The following SAMD10 variants were observed in gnomAD, a reference collection of about 807,000 sequenced individuals.
SAMD10 encodes sterile alpha motif domain-containing protein 10.
SAMD10 carries 16 observed loss-of-function variants against 22.5 expected under a neutral mutation model. The ratio of observed to expected loss-of-function variants is 0.71; its 90% CI spans 0.48 to 1.08. The LOEUF (loss-of-function observed/expected upper bound fraction) is 1.08. Ranked by LOEUF, SAMD10 falls within the 50% of genes least tolerant of loss-of-function variation. SAMD10 has a pLI of 0.00. For synonymous variants in SAMD10, 118 were observed against 122.2 expected, an observed-to-expected ratio of 0.97 and a Z score of 0.23; for missense variants, 227 against 281.3, an observed-to-expected ratio of 0.81 and a Z score of 1.38.
At chr20:63,978,039 C>T (rs77778296) in intron 1 of SAMD10, among the ~76,000 whole-genome samples, 2,247 of 152,346 alleles carry the variant, frequency 0.015, 58 homozygotes, top group African/African-American at 0.052. Context: ...TCCAGCTGTG[C>T]CGCCCCCCAC....
Position 63,979,248 on chromosome 20 carries a change from C to G in SAMD10, c.91+129G>C, listed in dbSNP as rs928131133. On this transcript the variant is annotated intron_variant, in intron 1 of 4. Coordinates refer to ENST00000369886, the MANE Select transcript of SAMD10 (RefSeq NM_080621.5). The surrounding 1 kb of genome is among the most constrained non-coding windows in gnomAD (Gnocchi z 7.7). ...CAAAGGCTACGGGACCCCGTTGAGC[C>G]GAGACATCCGCCGAATACCCCCAGC... 4 of 627,502 alleles carry G rather than the reference C, an allele frequency of 6.4e-6. No individual in the cohort carries two copies. The highest frequency in any genetic ancestry group is 9.9e-6 in the Non-Finnish European group (4 of 404,940). 38.9% of individuals were successfully genotyped at this position (627,502 alleles called of 1,614,324 possible).
At chr20:63,978,283 T>C in intron 1 of SAMD10, 1 of 1,301,758 alleles carries the variant, frequency 7.7e-7, no homozygotes, top group Non-Finnish European at 1.0e-6. Flanking sequence ...CCAGGTCTGG[T>C]TACAGAGGGG....
At position 63,979,298 on chromosome 20, in the gene SAMD10, TCCCGC is replaced by T; in HGVS notation, c.91+74_91+78del. ...CCACCGCCGCTCGAAGCCCGCCGGG[TCCCGC>T]CCCGCCCCCGTGCCTCTGGGTCCCT... On this transcript the variant is annotated intron_variant, in intron 1 of 4. Coordinates refer to ENST00000369886, the MANE Select transcript of SAMD10 (RefSeq NM_080621.5). This position sits in a 1 kb window ranked among gnomAD's most constrained non-coding sequence, Gnocchi z 7.7. 2 of 1,047,018 alleles carry T rather than the reference TCCCGC, an allele frequency of 1.9e-6. No individual in the cohort carries two copies. The highest frequency in any genetic ancestry group is 2.6e-6 in the Non-Finnish European group (2 of 781,140). The allele number at this position is 1,047,018 out of a possible 1,614,324, so 64.9% of individuals were successfully genotyped here.
At position 63,974,834 on chromosome 20, in the gene SAMD10, T is replaced by C. The variant is rs1408641439; in HGVS notation, c.*676A>G. The C allele has an allele frequency of 6.5e-6, 1 of 152,970 alleles. No homozygotes were observed. The highest frequency in any genetic ancestry group is 1.5e-5 in the Non-Finnish European group (1 of 68,524). The allele number at this position is 152,970 out of a possible 1,614,324, so 9.5% of individuals were successfully genotyped here. A position where few individuals can be genotyped will look rare whatever the true frequency, so the allele number is the denominator to read the frequency against. ...CTGGGGTTCTCGTTGTGCCACATTTTGTCTCTGGCGCTTGGTCAATCTGGT... is the reference window on the plus strand; with the variant it reads ...CTGGGGTTCTCGTTGTGCCACATTTCGTCTCTGGCGCTTGGTCAATCTGGT... On this transcript the variant is annotated 3_prime_UTR_variant, in exon 5 of 5. Transcript: ENST00000369886.
chr20:63,974,995 C>T lies in SAMD10; in HGVS notation c.*515G>A. 2 of 174,732 alleles carry T rather than the reference C, an allele frequency of 1.1e-5. No homozygotes were observed. The highest frequency in any genetic ancestry group is 2.4e-5 in the Non-Finnish European group (2 of 82,936). 10.8% of individuals were successfully genotyped at this position (174,732 alleles called of 1,614,324 possible). ...CTAGATGATGGGTTGGCCTGCTGGGCCCTGGCAGGTGCATGGGCACAAGCC... is the reference window on the plus strand; with the variant it reads ...CTAGATGATGGGTTGGCCTGCTGGGTCCTGGCAGGTGCATGGGCACAAGCC... On this transcript the variant is annotated 3_prime_UTR_variant, in exon 5 of 5. Coordinates refer to ENST00000369886, the MANE Select transcript of SAMD10 (RefSeq NM_080621.5).
chr20:63,978,023 G>A (rs1233709904), intron 1 of SAMD10, among the ~76,000 whole-genome samples: 1 of 152,236 alleles, frequency 6.6e-6, no homozygotes, highest in Admixed American at 6.5e-5. Context: ...AACACGCGCT[G>A]GGCTCTCCAG....
Position 63,979,366 on chromosome 20 carries a change from G to T in SAMD10, c.91+11C>A, listed in dbSNP as rs2122947627. 2 of 1,461,110 alleles carry T rather than the reference G, an allele frequency of 1.4e-6. No individual in the cohort carries two copies. Among genetic ancestry groups the T allele is most frequent in the East Asian group, 6.0e-5 (2 of 33,148 alleles). The allele number at this position is 1,461,110 out of a possible 1,614,324, so 90.5% of individuals were successfully genotyped here. On this transcript the variant is annotated intron_variant, in intron 1 of 4. Coordinates refer to ENST00000369886, the MANE Select transcript of SAMD10 (RefSeq NM_080621.5). This position sits in a 1 kb window ranked among gnomAD's most constrained non-coding sequence, Gnocchi z 7.7. ...CGAGAAATCCCCGCTCCCCAATCCA[G>T]CCCCGCTCACCGTCCACATCCCGGC... is the stretch of plus-strand genomic sequence containing the variant.
Position 63,979,493 on chromosome 20 carries a change from C to T in SAMD10, c.-26G>A, listed in dbSNP as rs2059049314. Reference sequence around the variant, plus strand: ...GGGGCCCGCGGGTGCCAGGCCCGCGCACACGCCCCTCGCCGAGTGCAGGGC... The same window carrying T: ...GGGGCCCGCGGGTGCCAGGCCCGCGTACACGCCCCTCGCCGAGTGCAGGGC... On this transcript the variant is annotated 5_prime_UTR_variant, in exon 1 of 5. Transcript: ENST00000369886. The surrounding 1 kb of genome is among the most constrained non-coding windows in gnomAD (Gnocchi z 7.7). 6 of 1,302,444 alleles carry T rather than the reference C, an allele frequency of 4.6e-6. No homozygotes were observed. Among genetic ancestry groups the T allele is most frequent in the Non-Finnish European group, 4.9e-6 (5 of 1,026,394 alleles). The allele number at this position is 1,302,444 out of a possible 1,614,324, so 80.7% of individuals were successfully genotyped here. A position where few individuals can be genotyped will look rare whatever the true frequency, so the allele number is the denominator to read the frequency against.
In SAMD10 at chr20:63,974,673, G is replaced by C. The variant is rs1207372630; in HGVS notation, c.*837C>G. 1 of 152,234 alleles carries C rather than the reference G, an allele frequency of 6.6e-6. No individual in the cohort carries two copies. The highest frequency in any genetic ancestry group is 2.4e-5 in the African/African-American group (1 of 41,388). The allele number at this position is 152,234 out of a possible 1,614,324, so 9.4% of individuals were successfully genotyped here. The stretch of plus-strand genomic sequence containing the variant: ...GAATCCAGGCCTTCTTGGGAAAGCA[G>C]CAATGGGAAGGCCCACGCACAAGGC... On this transcript the variant is annotated 3_prime_UTR_variant, in exon 5 of 5. Coordinates refer to ENST00000369886, the MANE Select transcript of SAMD10 (RefSeq NM_080621.5).
intron 1 of SAMD10, chr20:63,978,290 G>C (rs1408472920): frequency 1.5e-6 from 2 of 1,302,436 alleles, no homozygotes; most frequent in East Asian, 5.5e-5. Flanking sequence ...TGGTTACAGA[G>C]GGGCACCCCA....
chr20:63,978,417 C>A, intron 1 of SAMD10: 1 of 688,790 alleles, frequency 1.5e-6, no homozygotes, highest in Non-Finnish European at 2.2e-6. Flanking sequence ...AGCACCCTAG[C>A]ACCCAGGCCT....
rs1322882552 is a variant in SAMD10 at position 63,975,485 on chromosome 20, G to T, written c.*25C>A. Reference sequence around the variant, plus strand: ...CGTGGACTCCCATCACAGTGCTGGGGTCTGGGTTCAAGCCTCAGCAGCAGC... The same window carrying T: ...CGTGGACTCCCATCACAGTGCTGGGTTCTGGGTTCAAGCCTCAGCAGCAGC... On this transcript the variant is annotated 3_prime_UTR_variant, in exon 5 of 5. Transcript: ENST00000369886. 6 of 1,611,264 alleles carry T rather than the reference G, an allele frequency of 3.7e-6. No homozygotes were observed. In the South Asian group the frequency reaches 6.6e-5, roughly 18 times the overall value.
chr20:63,977,199 C>T lies in SAMD10; in HGVS notation c.273+26G>A, dbSNP rs754001830. 21 of 1,019,806 alleles carry T rather than the reference C, an allele frequency of 2.1e-5. No homozygotes were observed. The highest frequency in any genetic ancestry group is 4.9e-4 in the Middle Eastern group (2 of 4,092). The allele number at this position is 1,019,806 out of a possible 1,614,324, so 63.2% of individuals were successfully genotyped here. Reference sequence around the variant, plus strand: ...GAGTGGTGGAGAAGGAGGGCAGGGACGGAGGTGGGTGGAGTGGGTGGGTAC... The same window carrying T: ...GAGTGGTGGAGAAGGAGGGCAGGGATGGAGGTGGGTGGAGTGGGTGGGTAC... On this transcript the variant is annotated intron_variant, in intron 2 of 4. Coordinates refer to ENST00000369886, the MANE Select transcript of SAMD10 (RefSeq NM_080621.5). The surrounding 1 kb of genome is among the most constrained non-coding windows in gnomAD (Gnocchi z 5.4).
At position 63,975,075 on chromosome 20, in the gene SAMD10, G is replaced by A. The variant is rs2059012074; in HGVS notation, c.*435C>T. On this transcript the variant is annotated 3_prime_UTR_variant, in exon 5 of 5. Coordinates refer to ENST00000369886, the MANE Select transcript of SAMD10 (RefSeq NM_080621.5). Reference sequence around the variant, plus strand: ...GTGTGGGCCAACCTGGAGGTGCTGGGGAACGACCTAGAACTGGGCTGGGTG... The same window carrying A: ...GTGTGGGCCAACCTGGAGGTGCTGGAGAACGACCTAGAACTGGGCTGGGTG... The A allele has an allele frequency of 4.7e-6, 1 of 211,608 alleles. No individual in the cohort carries two copies. The highest frequency in any genetic ancestry group is 9.5e-6 in the Non-Finnish European group (1 of 105,176). The allele number at this position is 211,608 out of a possible 1,614,324, so 13.1% of individuals were successfully genotyped here. A position where few individuals can be genotyped will look rare whatever the true frequency, so the allele number is the denominator to read the frequency against.
upstream of SAMD10, chr20:63,979,885 C>G (rs1398971527): frequency 6.3e-6 from 1 of 158,990 alleles, no homozygotes; most frequent in Non-Finnish European, 1.3e-5. This position sits in a 1 kb window ranked among gnomAD's most constrained non-coding sequence, Gnocchi z 7.7. Context: ...GTCAACGCCT[C>G]CCACACACTT....
chr20:63,979,237 C>G lies in SAMD10; in HGVS notation c.91+140G>C, dbSNP rs1176636821. On this transcript the variant is annotated intron_variant, in intron 1 of 4. Coordinates refer to ENST00000369886, the MANE Select transcript of SAMD10 (RefSeq NM_080621.5). This position sits in a 1 kb window ranked among gnomAD's most constrained non-coding sequence, Gnocchi z 7.7. ...CTAAAGCAGGACAAAGGCTACGGGACCCCGTTGAGCCGAGACATCCGCCGA... is the reference window on the plus strand; with the variant it reads ...CTAAAGCAGGACAAAGGCTACGGGAGCCCGTTGAGCCGAGACATCCGCCGA... 4.2e-5 allele frequency: 24 copies of G among 576,012 alleles called. No individual in the cohort carries two copies. The highest frequency in any genetic ancestry group is 8.8e-5 in the Admixed American group (2 of 22,760). The allele number at this position is 576,012 out of a possible 1,614,324, so 35.7% of individuals were successfully genotyped here. A position where few individuals can be genotyped will look rare whatever the true frequency, so the allele number is the denominator to read the frequency against.
upstream of SAMD10, chr20:63,979,668 G>C (rs2059051090): frequency 2.0e-6 from 2 of 985,310 alleles, no homozygotes; most frequent in Non-Finnish European, 2.4e-6. This position sits in a 1 kb window ranked among gnomAD's most constrained non-coding sequence, Gnocchi z 7.7. Flanking sequence ...GGAGCTCCGA[G>C]GTGTGTCGGC....
Position 63,975,329 on chromosome 20 carries a change from C to T in SAMD10, c.*181G>A. On this transcript the variant is annotated 3_prime_UTR_variant, in exon 5 of 5. Transcript: ENST00000369886. ...CTACCCACCCAGCCCCAGGGCACGA[C>T]CTGGAATGTCCAACCAGAGGCGCCT... 1.5e-6 allele frequency: 1 copy of T among 681,594 alleles called. No individual in the cohort carries two copies. Among genetic ancestry groups the T allele is most frequent in the South Asian group, 1.8e-5 (1 of 55,752 alleles). 42.2% of individuals were successfully genotyped at this position (681,594 alleles called of 1,614,324 possible).
At position 63,975,747 on chromosome 20, in the gene SAMD10, C is replaced by T. The variant is rs1157496442; in HGVS notation, c.531G>A (p.Gln177=). 6.2e-7 allele frequency: 1 copy of T among 1,605,444 alleles called. No homozygotes were observed. The highest frequency in any genetic ancestry group is 8.5e-7 in the Non-Finnish European group (1 of 1,179,394). The change falls in exon 4 of 5, where the codon CAG becomes CAA. Residue 177 remains glutamine (Q), a synonymous_variant. Transcript: ENST00000369886. ...CCTCACGCACCTGCAGGCGGAGCAC[C>T]TGCTGCAGCACCTCCTGCCTCTGGG... ...QEAQRQEVLQ[Q]VLRLQVREEG...
Sources: gnomAD v4.1 joint callset for allele counts (sites outside exome capture counted in the v4.1 genomes callset) on GRCh38, gnomAD v4.1.1 for gene constraint, Gnocchi (gnomAD v3.1) non-coding constraint, MANE v1.5 for transcripts, NCBI Gene and HGNC (gene_info 2026-07-23, HGNC 2026-07-21) for gene names.